ATG16L1: variants seen among roughly 807,000 people sequenced by gnomAD.
The protein encoded by ATG16L1 is autophagy-related protein 16-1.
Under a neutral mutation model 88.5 loss-of-function variants are expected in ATG16L1, and 37 were observed. The ratio of observed to expected loss-of-function variants is 0.42; its 90% CI spans 0.32 to 0.55. The LOEUF is 0.55. Among genes scored for constraint, ATG16L1 ranks in the 20% least tolerant of loss-of-function variants. The pLI, the probability that ATG16L1 is intolerant of heterozygous loss-of-function variation, is 0.13. For missense variants in ATG16L1, 554 were observed against 752.8 expected (o/e 0.74, Z 3.09); for synonymous variants, 301 against 281.0 (o/e 1.07, Z -0.71).
chr2:233,254,284 C>T (rs909982377), intron 1 of ATG16L1, among the ~76,000 whole-genome samples: 18 of 152,124 alleles, frequency 1.2e-4, no homozygotes, highest in African/African-American at 3.9e-4. Flanking sequence ...GACAGGAGAC[C>T]GGGATGAGAA....
chr2:233,289,406 T>TGTGTGTGTGTGTGTGA (rs1559412687), intron 12 of ATG16L1, among the ~76,000 whole-genome samples: 1 of 126,972 alleles, frequency 7.9e-6, no homozygotes. Context: ...TGTGTGTGTG[T>TGTGTGTGTGTGTGTGA]GTGACAGGAT....
intron 12 of ATG16L1, among the ~76,000 whole-genome samples, chr2:233,285,115 T>A (rs890938549): frequency 6.6e-6 from 1 of 152,246 alleles, no homozygotes; most frequent in African/African-American, 2.4e-5. Flanking sequence ...AGTTCTGTAC[T>A]GTACACATGG....
chr2:233,256,370 A>G (rs1190659943), intron 2 of ATG16L1, among the ~76,000 whole-genome samples, 175 bp downstream of exon 2: 1 of 152,236 alleles, frequency 6.6e-6, no homozygotes, highest in Non-Finnish European at 1.5e-5. Context: ...TTTAGAAGGT[A>G]TGTCATACCT....
At chr2:233,252,275 C>T (rs1271248922) in intron 1 of ATG16L1, among the ~76,000 whole-genome samples, 1 of 152,188 alleles carries the variant, frequency 6.6e-6, no homozygotes, top group African/African-American at 2.4e-5. Flanking sequence ...ATGAAACGGT[C>T]GTTGACTTTC....
At chr2:233,254,521 C>T (rs1395586689) in intron 1 of ATG16L1, among the ~76,000 whole-genome samples, 1 of 152,152 alleles carries the variant, frequency 6.6e-6, no homozygotes, top group Non-Finnish European at 1.5e-5. Flanking sequence ...GGAAAGAAGC[C>T]GTAGGGGGAG....
At position 233,251,720 on chromosome 2, in the gene ATG16L1, T is replaced by TCCGGGATTG; in HGVS notation, c.-103_-95dup. On this transcript the variant is annotated 5_prime_UTR_variant, in exon 1 of 18. Transcript: ENST00000392017. The stretch of plus-strand genomic sequence containing the variant: ...GGACTGCCAGTGTGTGGAGGTGAGC[T>TCCGGGATTG]CCGGGATTGCCGGCATTCCCGCTTC... 6 of 984,518 alleles carry TCCGGGATTG rather than the reference T, an allele frequency of 6.1e-6. No individual in the cohort carries two copies. Among genetic ancestry groups the TCCGGGATTG allele is most frequent in the Non-Finnish European group, 7.8e-6 (5 of 644,674 alleles). 61.0% of individuals were successfully genotyped at this position (984,518 alleles called of 1,614,324 possible).
intron 1 of ATG16L1, among the ~76,000 whole-genome samples, chr2:233,254,875 C>G (rs1696664171): frequency 6.6e-6 from 1 of 152,148 alleles, no homozygotes; most frequent in South Asian, 2.1e-4. Context: ...TAAACCCTGT[C>G]TTGTTCTGCT....
At chr2:233,286,656 C>A in intron 12 of ATG16L1, among the ~76,000 whole-genome samples, 1 of 123,300 alleles carries the variant, frequency 8.1e-6, no homozygotes, top group East Asian at 2.2e-4. Flanking sequence ...GACAGTGTCT[C>A]GCTCAGTCAC....
intron 12 of ATG16L1, among the ~76,000 whole-genome samples, chr2:233,287,427 A>G (rs78778324): frequency 0.065 from 9,971 of 152,322 alleles, 377 homozygotes; most frequent in Non-Finnish European, 0.072. Context: ...TGGCCCCATC[A>G]TAAGTTGAGG....
chr2:233,259,666 T>G (rs937206389), intron 2 of ATG16L1, among the ~76,000 whole-genome samples: 1 of 152,182 alleles, frequency 6.6e-6, no homozygotes, highest in Admixed American at 6.5e-5. Context: ...ACATTATCCA[T>G]AATAAGCCTG....
chr2:233,264,868 C>T (rs1263604057), intron 4 of ATG16L1, 24 bp from the exon 5 acceptor site: 3 of 1,612,696 alleles, frequency 1.9e-6, no homozygotes, highest in African/African-American at 2.7e-5. Context: ...AGGTACTATT[C>T]GTCCTCTGAT....
At chr2:233,282,518 T>C (rs1470487221) in intron 11 of ATG16L1, among the ~76,000 whole-genome samples, 164 bp from the exon 12 acceptor site, 1 of 152,208 alleles carries the variant, frequency 6.6e-6, no homozygotes, top group Non-Finnish European at 1.5e-5. Flanking sequence ...CGAAGGAGAC[T>C]GGCGAGTTGA....
Position 233,253,125 on chromosome 2 carries a change from A to C in ATG16L1, c.115+1183A>C, listed in dbSNP as rs528818775. On this transcript the variant is annotated intron_variant, in intron 1 of 17. Transcript: ENST00000392017. ...AGATTAAGCCTAGAACTGCATGCCA[A>C]GTTATCAGTGTTTTTTGATGCTTCC... Among the ~76,000 whole-genome samples, 21 of 152,230 alleles carry C rather than the reference A, an allele frequency of 1.4e-4. No homozygotes were observed. The South Asian group carries it at 4.1e-3, about 30-fold the overall frequency.
At chr2:233,266,907 A>G (rs549257537) in intron 5 of ATG16L1, among the ~76,000 whole-genome samples, 21 of 152,256 alleles carry the variant, frequency 1.4e-4, no homozygotes, top group Non-Finnish European at 2.4e-4. Flanking sequence ...GTGCTTCTAC[A>G]TGTGGGGCTA....
At chr2:233,254,288 A>G (rs955853099) in intron 1 of ATG16L1, among the ~76,000 whole-genome samples, 18 of 152,246 alleles carry the variant, frequency 1.2e-4, no homozygotes, top group Non-Finnish European at 2.6e-4. Flanking sequence ...GGAGACCGGG[A>G]TGAGAAGCTA....
chr2:233,274,456 G>C (rs1698205482), intron 8 of ATG16L1: 1 of 488,050 alleles, frequency 2.0e-6, no homozygotes. Flanking sequence ...ACAGGTTAGT[G>C]TGCAGGAGAG....
intron 10 of ATG16L1, among the ~76,000 whole-genome samples, chr2:233,278,039 C>T (rs756992969): frequency 5.9e-5 from 9 of 152,170 alleles, no homozygotes; most frequent in Non-Finnish European, 1.3e-4. Flanking sequence ...ATCATGGATT[C>T]TACAATTAAA....
intron 3 of ATG16L1, 81 bp downstream of exon 3, chr2:233,263,316 A>G (rs1574852276): frequency 1.5e-6 from 2 of 1,294,548 alleles, no homozygotes; most frequent in East Asian, 4.9e-5. Context: ...GTCACTTCTC[A>G]CCAGAATTGG....
chr2:233,266,051 G>C (rs1230747651), intron 5 of ATG16L1: 1 of 152,160 alleles, frequency 6.6e-6, no homozygotes, highest in African/African-American at 2.4e-5. Flanking sequence ...AGAGAACACC[G>C]ATCTGGATGT....
Sources: allele counts gnomAD v4.1 joint callset (sites outside exome capture counted in the v4.1 genomes callset), GRCh38; gene constraint gnomAD v4.1.1; transcripts MANE v1.5; gene names NCBI Gene and HGNC (gene_info 2026-07-23, HGNC 2026-07-21).